The following NXPH1 variants were observed in gnomAD, a reference collection of about 807,000 sequenced individuals.
NXPH1 encodes neurexophilin 1.
In NXPH1, 5 loss-of-function variants were observed where a neutral mutation model predicts 23.7. The observed-to-expected ratio is 0.21, with a 90% CI of 0.11 to 0.44. NXPH1 has a LOEUF of 0.44. Ranked by LOEUF, NXPH1 falls within the 20% of genes least tolerant of loss-of-function variation. The probability of loss-of-function intolerance (pLI) is 0.99; values close to 1 mark genes in which losing one functional copy is unlikely to be tolerated. For synonymous variants in NXPH1, 144 were observed against 122.2 expected (o/e 1.18, Z -1.18); for missense variants, 324 against 321.6 (o/e 1.01, Z -0.06).
intron 2 of NXPH1, among the ~76,000 whole-genome samples, chr7:8,689,992 G>T (rs151011330): frequency 6.6e-6 from 1 of 152,158 alleles, no homozygotes; most frequent in Non-Finnish European, 1.5e-5. Flanking sequence ...ACCATAATAA[G>T]CCTAGGTGAA....
chr7:8,467,334 C>A (rs1054997082), intron 2 of NXPH1, among the ~76,000 whole-genome samples: 2 of 152,138 alleles, frequency 1.3e-5, no homozygotes, highest in Non-Finnish European at 2.9e-5. Flanking sequence ...GGTGATGAAG[C>A]CTCTTCTGGA....
intron 2 of NXPH1, among the ~76,000 whole-genome samples, chr7:8,683,386 C>T (rs1260311860): frequency 1.3e-5 from 2 of 152,112 alleles, no homozygotes; most frequent in Non-Finnish European, 2.9e-5. Flanking sequence ...TTGCACAACA[C>T]TCCTTAGTGT....
intron 2 of NXPH1, among the ~76,000 whole-genome samples, chr7:8,712,905 T>C (rs1779818611): frequency 6.6e-6 from 1 of 152,214 alleles, no homozygotes; most frequent in Non-Finnish European, 1.5e-5. Context: ...TAGTCTTCTT[T>C]GGGTTAAATC....
At chr7:8,516,278 C>T (rs1240133852) in intron 2 of NXPH1, among the ~76,000 whole-genome samples, 1 of 152,182 alleles carries the variant, frequency 6.6e-6, no homozygotes, top group East Asian at 1.9e-4. Context: ...GCTTTATCTA[C>T]TTGGGATTTG....
At chr7:8,607,232 A>G (rs910334655) in intron 2 of NXPH1, among the ~76,000 whole-genome samples, 21 of 152,132 alleles carry the variant, frequency 1.4e-4, no homozygotes, top group Non-Finnish European at 2.5e-4. Flanking sequence ...TACAGTACTT[A>G]TATATATTAT....
At chr7:8,532,904 G>T (rs1363100991) in intron 2 of NXPH1, among the ~76,000 whole-genome samples, 1 of 152,080 alleles carries the variant, frequency 6.6e-6, no homozygotes, top group Non-Finnish European at 1.5e-5. Flanking sequence ...GGGTAAATGA[G>T]GCAATGTATG....
At chr7:8,626,875 C>T (rs1356526571) in intron 2 of NXPH1, among the ~76,000 whole-genome samples, 1 of 152,082 alleles carries the variant, frequency 6.6e-6, no homozygotes, top group African/African-American at 2.4e-5. Context: ...TACTTACCTT[C>T]TATTCTTCCT....
intron 2 of NXPH1, among the ~76,000 whole-genome samples, chr7:8,581,290 T>G (rs1404037328): frequency 1.3e-5 from 2 of 152,172 alleles, no homozygotes; most frequent in Non-Finnish European, 2.9e-5. Context: ...TACCTGAGAC[T>G]GGGTAATTTA....
At chr7:8,671,606 T>C (rs1221943820) in intron 2 of NXPH1, among the ~76,000 whole-genome samples, 1 of 152,126 alleles carries the variant, frequency 6.6e-6, no homozygotes, top group Non-Finnish European at 1.5e-5. Flanking sequence ...GGAATGGTTC[T>C]GTGATGGTTT....
At position 8,735,798 on chromosome 7, in the gene NXPH1, C is replaced by T. The variant is rs116374838; in HGVS notation, c.55-15210C>T. ...TTTTTGGTTGGTAGGCTGTTAATTA[C>T]GCCTTAATTTCAGAACTCATTATTG... On this transcript the variant is annotated intron_variant, in intron 2 of 2. Transcript: ENST00000405863. 8.2e-3 allele frequency among the ~76,000 whole-genome samples: 1,242 copies of T among 151,990 alleles called. 8 individuals are homozygous for T. Among genetic ancestry groups the T allele is most frequent in the African/African-American group, 0.013 (556 of 41,488 alleles).
chr7:8,558,561 G>C (rs1380399707), intron 2 of NXPH1, among the ~76,000 whole-genome samples: 2 of 151,490 alleles, frequency 1.3e-5, no homozygotes, highest in Non-Finnish European at 3.0e-5. Flanking sequence ...TTTGTTCTTA[G>C]AGCCTTTTCT....
intron 2 of NXPH1, among the ~76,000 whole-genome samples, chr7:8,674,841 A>G (rs1027146492): frequency 3.9e-5 from 6 of 152,164 alleles, no homozygotes; most frequent in Admixed American, 6.5e-5. Flanking sequence ...TCCACACATC[A>G]TTGTGATGAG....
At chr7:8,598,851 C>G (rs150355881) in intron 2 of NXPH1, among the ~76,000 whole-genome samples, 1 of 152,090 alleles carries the variant, frequency 6.6e-6, no homozygotes, top group Non-Finnish European at 1.5e-5. Context: ...CTGAAGCCAG[C>G]CTAATTGCTT....
At chr7:8,571,326 A>G (rs1818643003) in intron 2 of NXPH1, among the ~76,000 whole-genome samples, 1 of 151,858 alleles carries the variant, frequency 6.6e-6, no homozygotes, top group African/African-American at 2.4e-5. Flanking sequence ...GTATGGGGAT[A>G]GTGGGTAGTA....
chr7:8,510,975 G>A (rs999491269), intron 2 of NXPH1, among the ~76,000 whole-genome samples: 1 of 152,014 alleles, frequency 6.6e-6, no homozygotes, highest in African/African-American at 2.4e-5. Context: ...GCTGCTACTA[G>A]TCTGATCTTC....
At chr7:8,535,256 G>C (rs1016501271) in intron 2 of NXPH1, among the ~76,000 whole-genome samples, 1 of 151,852 alleles carries the variant, frequency 6.6e-6, no homozygotes, top group Non-Finnish European at 1.5e-5. Flanking sequence ...GTTTAGGTTT[G>C]TACCAACAAA....
chr7:8,586,136 A>G lies in NXPH1; in HGVS notation c.54+150369A>G, dbSNP rs1268370699. Among the ~76,000 whole-genome samples, 4 of 152,176 alleles carry G rather than the reference A, an allele frequency of 2.6e-5. No homozygotes were observed. In the South Asian group the frequency reaches 6.2e-4, roughly 24 times the overall value. On this transcript the variant is annotated intron_variant, in intron 2 of 2. Transcript: ENST00000405863. ...CACCGTATCTATCTTAGTTGGTTAG[A>G]TAAGAATGGAATCAATTGACTAAAT...
chr7:8,561,951 T>G (rs1818453634), intron 2 of NXPH1, among the ~76,000 whole-genome samples: 7 of 151,740 alleles, frequency 4.6e-5, no homozygotes, highest in Admixed American at 4.6e-4. Flanking sequence ...TACATATACA[T>G]AGTGAAACGG....
intron 2 of NXPH1, among the ~76,000 whole-genome samples, chr7:8,512,554 C>T (rs867490163): frequency 1.6e-4 from 25 of 151,996 alleles, no homozygotes; most frequent in Admixed American, 7.2e-4. Flanking sequence ...ATTAGTGGTT[C>T]GTATTTGAAT....
Sources: allele counts gnomAD v4.1 joint callset (sites outside exome capture counted in the v4.1 genomes callset), GRCh38; gene constraint gnomAD v4.1.1; transcripts MANE v1.5; gene names NCBI Gene and HGNC (gene_info 2026-07-23, HGNC 2026-07-21).